Variants in CDH12 observed in about 807,000 individuals in gnomAD.
CDH12 encodes the protein cadherin 12, also known as cadherin-12.
In CDH12, 41 loss-of-function variants were observed where a neutral mutation model predicts 74.1. The ratio of observed to expected loss-of-function variants is 0.55; its 90% CI spans 0.43 to 0.72. CDH12 has a LOEUF of 0.72. CDH12 is among the 30% of genes least tolerant of loss of function. CDH12 has a pLI of 0.00. For synonymous variants in CDH12, 399 were observed against 355.0 expected (o/e 1.12, Z -1.39); for missense variants, 945 against 977.2 (o/e 0.97, Z 0.44).
chr5:22,305,581 T>C (rs921559023), intron 3 of CDH12, among the ~76,000 whole-genome samples: 1 of 152,062 alleles, frequency 6.6e-6, no homozygotes, highest in South Asian at 2.1e-4. Context: ...GGCCATTGTA[T>C]CTCCTCTATG....
rs537997194 is a variant in CDH12, at chr5:22,793,348, C to T, written c.-523+59710G>A. Among the ~76,000 whole-genome samples, 4 of 152,210 alleles carry T rather than the reference C, an allele frequency of 2.6e-5. No individual in the cohort carries two copies. In the East Asian group the frequency reaches 7.7e-4, roughly 29 times the overall value. On this transcript the variant is annotated intron_variant, in intron 1 of 14. Coordinates refer to ENST00000382254, the MANE Select transcript of CDH12 (RefSeq NM_004061.5). ...ATTTTTCTGCTATACAAATTATATACTGTGCCTTCCTGCTTTTTGGCATAC... is the reference window on the plus strand; with the variant it reads ...ATTTTTCTGCTATACAAATTATATATTGTGCCTTCCTGCTTTTTGGCATAC...
chr5:22,315,567 A>C (rs2150432659), intron 3 of CDH12, among the ~76,000 whole-genome samples: 1 of 152,332 alleles, frequency 6.6e-6, no homozygotes, highest in African/African-American at 2.4e-5. Flanking sequence ...GCATTTACTC[A>C]TAAAATTAAG....
At chr5:22,031,046 C>T (rs533932648) in intron 5 of CDH12, among the ~76,000 whole-genome samples, 7 of 152,102 alleles carry the variant, frequency 4.6e-5, no homozygotes, top group South Asian at 2.1e-4. Flanking sequence ...CTTAAGAGAA[C>T]GTTGTGGGCC....
intron 1 of CDH12, among the ~76,000 whole-genome samples, chr5:22,717,623 A>G (rs1336505861): frequency 6.6e-6 from 1 of 152,190 alleles, no homozygotes; most frequent in Admixed American, 6.5e-5. Flanking sequence ...GATATCCAAT[A>G]AGAAGAAAAA....
At chr5:21,835,153 A>C (rs1579802117) in intron 8 of CDH12, among the ~76,000 whole-genome samples, 1 of 151,846 alleles carries the variant, frequency 6.6e-6, no homozygotes, top group African/African-American at 2.4e-5. Context: ...TAATTTACTC[A>C]CAACAATAAC....
At chr5:22,598,312 A>T (rs1736696398) in intron 1 of CDH12, among the ~76,000 whole-genome samples, 1 of 152,244 alleles carries the variant, frequency 6.6e-6, no homozygotes, top group Non-Finnish European at 1.5e-5. Flanking sequence ...TGTCAAGGGC[A>T]GGACCAAATG....
chr5:22,510,363 T>A (rs989245682), intron 1 of CDH12, among the ~76,000 whole-genome samples: 1 of 152,028 alleles, frequency 6.6e-6, no homozygotes, highest in Non-Finnish European at 1.5e-5. Context: ...TATAAAAAAA[T>A]TGTTATAAAA....
intron 3 of CDH12, among the ~76,000 whole-genome samples, chr5:22,287,549 C>T (rs1383433384): frequency 6.6e-6 from 1 of 151,522 alleles, no homozygotes; most frequent in African/African-American, 2.4e-5. Flanking sequence ...ACGGTGAAAC[C>T]CCGTCTCTAC....
chr5:22,036,759 C>A (rs1739216929), intron 5 of CDH12, among the ~76,000 whole-genome samples: 1 of 151,668 alleles, frequency 6.6e-6, no homozygotes, highest in Non-Finnish European at 1.5e-5. Flanking sequence ...GTTTTAAGAC[C>A]CTATAAAGAT....
intron 5 of CDH12, among the ~76,000 whole-genome samples, chr5:22,041,456 A>G (rs1426769311): frequency 6.6e-6 from 1 of 152,172 alleles, no homozygotes; most frequent in Non-Finnish European, 1.5e-5. Flanking sequence ...CTATGTACAT[A>G]TAGGCAGAAA....
intron 2 of CDH12, among the ~76,000 whole-genome samples, chr5:22,452,880 C>CAAAAGA: frequency 3.1e-5 from 1 of 32,200 alleles, no homozygotes; most frequent in Non-Finnish European, 5.2e-5. Context: ...AACCTAAGAG[C>CAAAAGA]AAAAAAAAAA....
At chr5:21,882,790 G>T in intron 6 of CDH12, 1 of 1,579,396 alleles carries the variant, frequency 6.3e-7, no homozygotes, top group Non-Finnish European at 8.7e-7. Context: ...ATTGAGCAGA[G>T]CTGGGGAAGT....
intron 1 of CDH12, among the ~76,000 whole-genome samples, chr5:22,737,178 C>T (rs904238376): frequency 4.0e-5 from 6 of 151,884 alleles, no homozygotes; most frequent in Non-Finnish European, 7.4e-5. Context: ...TCTTGTACCA[C>T]GAAATTTTGT....
intron 6 of CDH12, among the ~76,000 whole-genome samples, chr5:21,956,634 G>A (rs1756111684): frequency 6.6e-6 from 1 of 151,926 alleles, no homozygotes; most frequent in South Asian, 2.1e-4. Flanking sequence ...TGGACACCAA[G>A]GCTATTGACA....
intron 1 of CDH12, among the ~76,000 whole-genome samples, chr5:22,612,998 T>C (rs557776695): frequency 1.3e-5 from 2 of 152,214 alleles, no homozygotes; most frequent in South Asian, 4.1e-4. Flanking sequence ...GTTTCCTTAT[T>C]CACTTTATCT....
chr5:22,149,736 T>G (rs1747441525), intron 4 of CDH12, among the ~76,000 whole-genome samples: 2 of 152,086 alleles, frequency 1.3e-5, no homozygotes, highest in South Asian at 4.1e-4. Flanking sequence ...CCTCCCAAAG[T>G]GTTGGGATTA....
rs750248984 is a variant in CDH12 at position 22,078,467 on chromosome 5, G to A, written c.210C>T (p.Ser70=). The A allele has an allele frequency of 5.6e-6, 9 of 1,613,486 alleles. No homozygotes were observed. The highest frequency in any genetic ancestry group is 2.2e-5 in the East Asian group (1 of 44,846). ...QFFVLEEYVG[S]EPQYVGKLHS... is the part of the protein sequence containing the mutation. ...TTACCTTTCCCACATACTGAGGCTC[G>A]GAGCCCACGTATTCTTCCAGCACAA... The change falls in exon 5 of 15, where the codon TCC becomes TCT. Residue 70 remains serine, a synonymous_variant. Transcript: ENST00000382254.
chr5:21,917,663 A>G (rs1235035460), intron 6 of CDH12, among the ~76,000 whole-genome samples: 2 of 152,246 alleles, frequency 1.3e-5, no homozygotes, highest in African/African-American at 4.8e-5. Flanking sequence ...AATAGGTAAA[A>G]TAGAGTGCTG....
chr5:22,491,622 CAAAAAA>C (rs33936783), intron 2 of CDH12, among the ~76,000 whole-genome samples: 32 of 135,640 alleles, frequency 2.4e-4, no homozygotes, highest in African/African-American at 8.4e-4. Context: ...AAAAAAAAAA[CAAAAAA>C]AAAAACAAAA....
Sources: allele counts gnomAD v4.1 joint callset (sites outside exome capture counted in the v4.1 genomes callset), GRCh38; gene constraint gnomAD v4.1.1; transcripts MANE v1.5; gene names NCBI Gene and HGNC (gene_info 2026-07-23, HGNC 2026-07-21).